Variants in LEMD1 observed in about 807,000 individuals in gnomAD.
The protein encoded by LEMD1 is LEM domain containing 1.
LEMD1 carries 18 observed loss-of-function variants against 17.4 expected under a neutral mutation model. The ratio of observed to expected loss-of-function variants is 1.04; its 90% CI spans 0.72 to 1.54. The LOEUF is 1.54. LEMD1 is among the 40% of genes most tolerant of loss of function. The pLI is 0.00. For missense variants in LEMD1, 195 were observed against 210.4 expected (o/e 0.93, Z 0.45); for synonymous variants, 88 against 77.8 (o/e 1.13, Z -0.69).
intron 2 of LEMD1, among the ~76,000 whole-genome samples, chr1:205,420,098 A>T (rs1665892062): frequency 6.6e-6 from 1 of 152,172 alleles, no homozygotes; most frequent in Admixed American, 6.5e-5. Flanking sequence ...CAGGTGGAGT[A>T]CCTGAGGTCA....
At chr1:205,395,057 AT>A (rs1247051462) in intron 4 of LEMD1, among the ~76,000 whole-genome samples, 1 of 152,038 alleles carries the variant, frequency 6.6e-6, no homozygotes, top group Non-Finnish European at 1.5e-5. Flanking sequence ...GATTCTTGTC[AT>A]TGTACTGTGA....
At chr1:205,409,000 G>A (rs899052069) in intron 4 of LEMD1, among the ~76,000 whole-genome samples, 21 of 151,996 alleles carry the variant, frequency 1.4e-4, no homozygotes, top group African/African-American at 5.1e-4. Context: ...ACCACACCGG[G>A]CTAATTTTTT....
chr1:205,437,310 TGTG>T (rs1558742399), intron 1 of LEMD1: 10 of 152,838 alleles, frequency 6.5e-5, no homozygotes, highest in Non-Finnish European at 1.0e-4. Flanking sequence ...TGCAGGTGGT[TGTG>T]GTGGTGGTGG....
intron 4 of LEMD1, among the ~76,000 whole-genome samples, chr1:205,394,495 A>G (rs1574953718): frequency 6.6e-6 from 1 of 152,054 alleles, no homozygotes; most frequent in South Asian, 2.1e-4. Context: ...AGCAATTCTC[A>G]TGCCTCAGCC....
At chr1:205,401,146 G>T (rs1166966229) in intron 4 of LEMD1, among the ~76,000 whole-genome samples, 1 of 150,502 alleles carries the variant, frequency 6.6e-6, no homozygotes, top group Admixed American at 6.6e-5. Context: ...GAATAGTGCC[G>T]CAATAAACAT....
chr1:205,388,758 C>T (rs879478024), intron 4 of LEMD1, among the ~76,000 whole-genome samples: 1 of 152,048 alleles, frequency 6.6e-6, no homozygotes, highest in African/African-American at 2.4e-5. Context: ...TCATTAATTT[C>T]CTACGGAAGT....
chr1:205,415,153 G>A (rs1453715029), intron 4 of LEMD1, among the ~76,000 whole-genome samples: 1 of 152,178 alleles, frequency 6.6e-6, no homozygotes, highest in East Asian at 1.9e-4. Flanking sequence ...GGACACCTGA[G>A]CCTGAGGTAC....
In LEMD1 at chr1:205,448,518, T is replaced by C. The variant is rs566934477; in HGVS notation, c.-39+1350A>G. The C allele has an allele frequency of 7.3e-4, 292 of 399,352 alleles. 1 individual carries two copies. The highest frequency in any genetic ancestry group is 2.7e-3 in the South Asian group (148 of 55,138). The allele number at this position is 399,352 out of a possible 1,614,324, so 24.7% of individuals were successfully genotyped here. On this transcript the variant is annotated intron_variant, in intron 1 of 3. Coordinates refer to the LEMD1 transcript ENST00000367154. This position sits in a 1 kb window ranked among gnomAD's most constrained non-coding sequence, Gnocchi z 4.7. The stretch of plus-strand genomic sequence containing the variant: ...CACCCACACTGCCTCCCTCCAGGAC[T>C]GGGCCCCCCAGGTTAAATTCTCTCA...
intron 4 of LEMD1, among the ~76,000 whole-genome samples, chr1:205,390,217 T>C (rs150396422): frequency 0.01 from 1,590 of 152,148 alleles, 26 homozygotes; most frequent in African/African-American, 0.036. Flanking sequence ...TAGCCGGGCA[T>C]GGTGGTGTGC....
rs754784842 is a variant in LEMD1, at chr1:205,419,351, A to G, written c.84T>C (p.Pro28=). Reference sequence around the variant, plus strand: ...TTTTTTCATACAACTTTCTGGTGGAAGCTGAGGAAGAATTTGGAGAACAAA... The same window carrying G: ...TTTTTTCATACAACTTTCTGGTGGAGGCTGAGGAAGAATTTGGAGAACAAA... The part of the protein sequence containing the change: ...KLGFSPGPIL[P]STRKLYEKKL... The change falls in exon 3 of 6, where the codon CCT becomes CCC. Residue 28 remains proline (P), a splice_region_variant and synonymous_variant. Transcript: ENST00000367153. The G allele has an allele frequency of 2.5e-6, 4 of 1,614,090 alleles. No individual in the cohort carries two copies. Among genetic ancestry groups the G allele is most frequent in the Non-Finnish European group, 2.5e-6 (3 of 1,180,026 alleles).
chr1:205,388,215 T>C (rs957688330), intron 4 of LEMD1, among the ~76,000 whole-genome samples: 73 of 152,218 alleles, frequency 4.8e-4, no homozygotes, highest in African/African-American at 1.7e-3. Flanking sequence ...TTTTTTTTTT[T>C]TGTGACAGAG....
chr1:205,439,658 C>T (rs1257107763), intron 1 of LEMD1, among the ~76,000 whole-genome samples: 2 of 152,192 alleles, frequency 1.3e-5, no homozygotes, highest in East Asian at 3.9e-4. Context: ...GTCAGAAGGG[C>T]TATTCTGTCC....
At chr1:205,415,730 T>G (rs1457780638) in intron 4 of LEMD1, among the ~76,000 whole-genome samples, 1 of 152,166 alleles carries the variant, frequency 6.6e-6, no homozygotes, top group Admixed American at 6.5e-5. Context: ...TTCCCCAAAA[T>G]CACGCTTCCA....
chr1:205,413,113 TTC>T (rs1483606639), intron 4 of LEMD1, among the ~76,000 whole-genome samples: 1 of 152,200 alleles, frequency 6.6e-6, no homozygotes, highest in East Asian at 1.9e-4. Flanking sequence ...AAGATTTCTT[TTC>T]ATTTGTTTAA....
chr1:205,411,108 A>G (rs1169994919), intron 4 of LEMD1, among the ~76,000 whole-genome samples: 6 of 145,174 alleles, frequency 4.1e-5, no homozygotes, highest in South Asian at 2.2e-4. Flanking sequence ...AAAAAGAAAG[A>G]AAGGAAGGAG....
chr1:205,446,530 G>A (rs1666392035), intron 1 of LEMD1, among the ~76,000 whole-genome samples: 1 of 152,224 alleles, frequency 6.6e-6, no homozygotes, highest in African/African-American at 2.4e-5. Flanking sequence ...GCCCAGTGCT[G>A]GGGACTACCC....
At chr1:205,420,167 C>T (rs569826455) in intron 2 of LEMD1, among the ~76,000 whole-genome samples, 14 of 152,070 alleles carry the variant, frequency 9.2e-5, no homozygotes, top group Admixed American at 2.0e-4. Context: ...AATACAAAAT[C>T]ATTAGTGGGG....
intron 4 of LEMD1, among the ~76,000 whole-genome samples, chr1:205,415,409 G>A (rs890215505): frequency 4.6e-5 from 7 of 152,022 alleles, no homozygotes; most frequent in African/African-American, 1.7e-4. Flanking sequence ...TGAAGGAGGA[G>A]GTCTCAGGCA....
intron 1 of LEMD1, chr1:205,436,408 C>T (rs1666204827): frequency 6.6e-6 from 1 of 152,244 alleles, no homozygotes; most frequent in South Asian, 2.1e-4. Flanking sequence ...GTTCCTGTTT[C>T]TTCTTCATGA....
Sources: gnomAD v4.1 joint callset for allele counts (sites outside exome capture counted in the v4.1 genomes callset) on GRCh38, gnomAD v4.1.1 for gene constraint, Gnocchi (gnomAD v3.1) non-coding constraint, MANE v1.5 for transcripts, NCBI Gene and HGNC (gene_info 2026-07-23, HGNC 2026-07-21) for gene names.